The following CCDC149 variants were observed in gnomAD, a reference collection of about 807,000 sequenced individuals.
CCDC149 encodes the protein coiled-coil domain-containing protein 149.
CCDC149 carries 45 observed loss-of-function variants against 59.9 expected under a neutral mutation model. That is an observed-to-expected ratio of 0.75 (90% CI 0.59 to 0.96). The LOEUF is 0.96. CCDC149 is among the 40% of genes least tolerant of loss of function. The pLI is 0.00. For synonymous variants in CCDC149, 245 were observed against 260.6 expected (o/e 0.94, Z 0.58); for missense variants, 584 against 664.7 (o/e 0.88, Z 1.33).
chr4:24,895,179 C>A, intron 1 of CCDC149: 1 of 698,370 alleles, frequency 1.4e-6, no homozygotes, highest in Non-Finnish European at 2.5e-6. Flanking sequence ...ATAATGGTTA[C>A]CTCTGGGTGA....
At chr4:24,944,956 C>G (rs532981676) in intron 1 of CCDC149, among the ~76,000 whole-genome samples, 2 of 152,280 alleles carry the variant, frequency 1.3e-5, no homozygotes, top group East Asian at 3.9e-4. Context: ...CACAAACCCT[C>G]CTTTCTCCTT....
intron 1 of CCDC149, among the ~76,000 whole-genome samples, 178 bp downstream of exon 1, chr4:24,912,639 C>T (rs1420089991): frequency 6.6e-6 from 1 of 152,178 alleles, no homozygotes. Context: ...CCCGCGCAGA[C>T]CCGAAAGTGC....
At chr4:24,949,960 G>C (rs1446646649) in intron 1 of CCDC149, among the ~76,000 whole-genome samples, 1 of 152,212 alleles carries the variant, frequency 6.6e-6, no homozygotes, top group Non-Finnish European at 1.5e-5. Context: ...TGAAGAGAAG[G>C]ATGGCGACAG....
chr4:24,902,233 G>A (rs1721211639), intron 1 of CCDC149, among the ~76,000 whole-genome samples: 1 of 152,168 alleles, frequency 6.6e-6, no homozygotes, highest in African/African-American at 2.4e-5. Context: ...TCCTGGCAGG[G>A]TCACCAAATT....
At chr4:24,910,728 T>C (rs891128677) in intron 1 of CCDC149, among the ~76,000 whole-genome samples, 2 of 152,160 alleles carry the variant, frequency 1.3e-5, no homozygotes. Context: ...GCTCAAGCAA[T>C]GAGTCAGACA....
intron 8 of CCDC149, among the ~76,000 whole-genome samples, chr4:24,833,827 T>C (rs766858515): frequency 5.9e-5 from 9 of 152,224 alleles, no homozygotes; most frequent in South Asian, 2.1e-4. Flanking sequence ...AGGCTTTTCA[T>C]AGCAGGTTGT....
At chr4:24,820,090 G>A (rs1458037891) in intron 11 of CCDC149, 115 bp from the exon 12 acceptor site, 1 of 699,238 alleles carries the variant, frequency 1.4e-6, no homozygotes, top group Non-Finnish European at 2.4e-6. Context: ...TACCATTGAA[G>A]GGAAGCCTGC....
chr4:24,949,722 G>T (rs1723225878), intron 1 of CCDC149, among the ~76,000 whole-genome samples: 1 of 152,204 alleles, frequency 6.6e-6, no homozygotes, highest in African/African-American at 2.4e-5. Flanking sequence ...AGGAAAGCAG[G>T]ACTCGGGCTC....
intron 1 of CCDC149, among the ~76,000 whole-genome samples, chr4:24,936,334 A>G (rs1722778741): frequency 6.6e-6 from 1 of 152,008 alleles, no homozygotes; most frequent in South Asian, 2.1e-4. Flanking sequence ...ATTGAAATAT[A>G]TCAATCATTA....
At chr4:24,926,686 G>A (rs1311210449) in intron 1 of CCDC149, among the ~76,000 whole-genome samples, 1 of 152,122 alleles carries the variant, frequency 6.6e-6, no homozygotes, top group Non-Finnish European at 1.5e-5. Flanking sequence ...GATTATGTCG[G>A]TCAGGAATTC....
chr4:24,870,875 C>T (rs1472782377), intron 3 of CCDC149, among the ~76,000 whole-genome samples: 1 of 151,834 alleles, frequency 6.6e-6, no homozygotes, highest in Non-Finnish European at 1.5e-5. Flanking sequence ...GAAACCCCAT[C>T]TCTACTAAAA....
rs562386733 is a variant in CCDC149 at position 24,863,053 on chromosome 4, G to T, written c.265-9874C>A. 2.2e-4 allele frequency among the ~76,000 whole-genome samples: 33 copies of T among 152,318 alleles called. No homozygotes were observed. The South Asian group carries it at 6.4e-3, about 30-fold the overall frequency. On this transcript the variant is annotated intron_variant, in intron 3 of 12. Coordinates refer to ENST00000635206, the MANE Select transcript of CCDC149 (RefSeq NM_001330643.2). ...CAGGCCTGTAATCCCAGCACTTTGGGGGGCTGAGGCGGGAGGATCACCTGA... is the reference window on the plus strand; with the variant it reads ...CAGGCCTGTAATCCCAGCACTTTGGTGGGCTGAGGCGGGAGGATCACCTGA...
intron 1 of CCDC149, among the ~76,000 whole-genome samples, chr4:24,927,348 A>G (rs999162231): frequency 1.3e-5 from 2 of 152,226 alleles, no homozygotes; most frequent in Non-Finnish European, 2.9e-5. Flanking sequence ...GAAAAGTTGA[A>G]ACGTAAGGCA....
At chr4:24,976,947 A>T (rs1724226024) in intron 1 of CCDC149, among the ~76,000 whole-genome samples, 1 of 152,200 alleles carries the variant, frequency 6.6e-6, no homozygotes, top group African/African-American at 2.4e-5. Flanking sequence ...ATGCCTATCC[A>T]GGCTTGATTA....
At position 24,808,459 on chromosome 4, in the gene CCDC149, T is replaced by G; in HGVS notation, c.1553A>C (p.Lys518Thr). ...TTTGCCGTCTTCCGGTGTGGAAGCT[T>G]TGGCTGCTGGCCGGCTGGCCTCGAA... The change falls in exon 13 of 13, where the codon AAA (lysine) becomes ACA (threonine). Residue 518 changes from lysine (K) to threonine (T), a missense_variant. By Grantham distance (78) the Lys-to-Thr change is moderately conservative. Coordinates refer to ENST00000635206, the MANE Select transcript of CCDC149 (RefSeq NM_001330643.2). 6.8e-7 allele frequency: 1 copy of G among 1,467,728 alleles called. No individual in the cohort carries two copies. The highest frequency in any genetic ancestry group is 9.0e-7 in the Non-Finnish European group (1 of 1,109,410). 90.9% of individuals were successfully genotyped at this position (1,467,728 alleles called of 1,614,324 possible).
intron 1 of CCDC149, among the ~76,000 whole-genome samples, chr4:24,939,539 G>A (rs1162116728): frequency 6.6e-6 from 1 of 152,198 alleles, no homozygotes; most frequent in Non-Finnish European, 1.5e-5. Context: ...AACAAAGCTG[G>A]ATGGAGAATG....
intron 1 of CCDC149, among the ~76,000 whole-genome samples, chr4:24,974,584 CT>C (rs1333223598): frequency 6.6e-6 from 1 of 152,200 alleles, no homozygotes; most frequent in Non-Finnish European, 1.5e-5. Flanking sequence ...ACCAATATGG[CT>C]TTCTTTTTTC....
chr4:24,934,643 T>C (rs557714024), intron 1 of CCDC149, among the ~76,000 whole-genome samples: 3 of 152,236 alleles, frequency 2.0e-5, no homozygotes, highest in South Asian at 4.1e-4. Flanking sequence ...TAGTGGACCA[T>C]GTTAGATATT....
rs1422393565 is a variant in CCDC149 at position 24,807,613 on chromosome 4, C to T, written c.*776G>A. ...AGGTGGTAGCTCTCATCTCATCTCA[C>T]AAAAAAAACCAGACCACCACTGGGA... On this transcript the variant is annotated 3_prime_UTR_variant, in exon 13 of 13. Coordinates refer to ENST00000635206, the MANE Select transcript of CCDC149 (RefSeq NM_001330643.2). The T allele has an allele frequency of 6.6e-6, 1 of 151,918 alleles. No individual in the cohort carries two copies. Among genetic ancestry groups the T allele is most frequent in the East Asian group, 1.9e-4 (1 of 5,184 alleles). The allele number at this position is 151,918 out of a possible 1,614,324, so 9.4% of individuals were successfully genotyped here. A position where few individuals can be genotyped will look rare whatever the true frequency, so the allele number is the denominator to read the frequency against.
Sources: gnomAD v4.1 joint callset for allele counts (sites outside exome capture counted in the v4.1 genomes callset) on GRCh38, gnomAD v4.1.1 for gene constraint, MANE v1.5 for transcripts, NCBI Gene and HGNC (gene_info 2026-07-23, HGNC 2026-07-21) for gene names.